The following HDAC9 variants were observed in gnomAD, a reference collection of about 807,000 sequenced individuals.
HDAC9 encodes MEF-2 interacting transcription repressor (MITR) protein.
A neutral mutation model predicts 139.4 loss-of-function variants in HDAC9; 41 were observed. The ratio of observed to expected loss-of-function variants is 0.29; its 90% CI spans 0.23 to 0.38. HDAC9 has a LOEUF of 0.38. Ranked by LOEUF, HDAC9 falls within the 10% of genes least tolerant of loss-of-function variation. The pLI is 1.00. For missense variants in HDAC9, 1,147 were observed against 1,297.0 expected (o/e 0.88, Z 1.78); for synonymous variants, 517 against 476.2 (o/e 1.09, Z -1.12).
chr7:18,496,488 A>G (rs896960527), intron 2 of HDAC9, 164 bp downstream of exon 2: 5 of 612,396 alleles, frequency 8.2e-6, no homozygotes, highest in Non-Finnish European at 1.2e-5. Flanking sequence ...CCCTTCCATT[A>G]CTGTTTCTGT....
chr7:18,399,537 G>C (rs894926672), intron 1 of HDAC9, among the ~76,000 whole-genome samples: 1 of 152,116 alleles, frequency 6.6e-6, no homozygotes, highest in Non-Finnish European at 1.5e-5. Context: ...GTCGACAAGG[G>C]AATCTCATAG....
intron 19 of HDAC9, among the ~76,000 whole-genome samples, chr7:18,835,137 C>A (rs904919295): frequency 6.6e-6 from 1 of 152,036 alleles, no homozygotes; most frequent in Non-Finnish European, 1.5e-5. Flanking sequence ...TACAAAGAGC[C>A]GGTGTATAAA....
chr7:18,913,629 TGTAA>T (rs2129290608), intron 22 of HDAC9, among the ~76,000 whole-genome samples: 1 of 152,182 alleles, frequency 6.6e-6, no homozygotes, highest in Admixed American at 6.6e-5. Flanking sequence ...TCACAGCATA[TGTAA>T]GTTTTCATTA....
At chr7:18,251,154 C>T (rs1562794788) in intron 2 of HDAC9, among the ~76,000 whole-genome samples, 1 of 152,328 alleles carries the variant, frequency 6.6e-6, no homozygotes, top group Admixed American at 6.5e-5. Context: ...GGTCCATATA[C>T]AGCATGGAAT....
intron 6 of HDAC9, among the ~76,000 whole-genome samples, chr7:18,624,910 G>A (rs1163202510): frequency 6.6e-6 from 1 of 151,770 alleles, no homozygotes; most frequent in Non-Finnish European, 1.5e-5. Context: ...CTGAAATACA[G>A]GCAGAAGGTT....
chr7:18,463,851 C>T (rs1794053188), intron 1 of HDAC9, among the ~76,000 whole-genome samples: 1 of 151,968 alleles, frequency 6.6e-6, no homozygotes, highest in Admixed American at 6.6e-5. Context: ...ACTTGTCAAA[C>T]CCACAGATGT....
intron 17 of HDAC9, among the ~76,000 whole-genome samples, chr7:18,794,482 G>A (rs983685843): frequency 1.3e-5 from 2 of 152,178 alleles, no homozygotes; most frequent in African/African-American, 4.8e-5. Context: ...TAAAGAGTCA[G>A]AGCCTACGGA....
chr7:18,165,927 A>G (rs1033657303), intron 2 of HDAC9, among the ~76,000 whole-genome samples: 23 of 152,092 alleles, frequency 1.5e-4, no homozygotes, highest in Non-Finnish European at 2.6e-4. Flanking sequence ...AGGTGGATGG[A>G]CCAAAGAGAT....
At chr7:18,726,008 G>A (rs932110930) in intron 12 of HDAC9, among the ~76,000 whole-genome samples, 6 of 152,202 alleles carry the variant, frequency 3.9e-5, no homozygotes, top group Non-Finnish European at 5.9e-5. Context: ...CAAAACAGAA[G>A]TAACAACATA....
At chr7:18,117,347 G>A (rs961729781) in intron 1 of HDAC9, among the ~76,000 whole-genome samples, 6 of 151,882 alleles carry the variant, frequency 4.0e-5, no homozygotes, top group African/African-American at 7.3e-5. Context: ...TTAGCCAGGC[G>A]TGGTGGTGGG....
intron 22 of HDAC9, among the ~76,000 whole-genome samples, chr7:18,888,700 G>T (rs71524256): frequency 0.21 from 32,185 of 151,934 alleles, 3,663 homozygotes; most frequent in South Asian, 0.33. Context: ...TCTTTACATG[G>T]TTAATGTAAC....
intron 1 of HDAC9, among the ~76,000 whole-genome samples, chr7:18,314,286 C>T (rs1158462935): frequency 6.6e-6 from 1 of 152,106 alleles, no homozygotes. Context: ...GGATAGTGTC[C>T]CATTTGCAGA....
chr7:18,897,125 A>C (rs1057024351), intron 22 of HDAC9, among the ~76,000 whole-genome samples: 8 of 151,756 alleles, frequency 5.3e-5, no homozygotes, highest in Non-Finnish European at 1.0e-4. Flanking sequence ...TAAATTTTAA[A>C]AATAGAAAAA....
At chr7:18,916,862 G>A (rs1465970199) in intron 22 of HDAC9, among the ~76,000 whole-genome samples, 1 of 152,038 alleles carries the variant, frequency 6.6e-6, no homozygotes, top group African/African-American at 2.4e-5. Flanking sequence ...TAAGTTTAAT[G>A]GGCTTGGGTT....
At chr7:18,231,753 T>C (rs1167212031) in intron 2 of HDAC9, among the ~76,000 whole-genome samples, 1 of 152,206 alleles carries the variant, frequency 6.6e-6, no homozygotes, top group Admixed American at 6.5e-5. Flanking sequence ...TCTCATTACG[T>C]TGGCTTTGGT....
intron 21 of HDAC9, among the ~76,000 whole-genome samples, chr7:18,845,241 T>A (rs902197740): frequency 1.3e-5 from 2 of 152,182 alleles, no homozygotes; most frequent in East Asian, 1.9e-4. Context: ...TCAATTTTTT[T>A]AATTAACAAA....
At chr7:18,520,040 T>G (rs1442084750) in intron 2 of HDAC9, among the ~76,000 whole-genome samples, 2 of 152,000 alleles carry the variant, frequency 1.3e-5, no homozygotes, top group Non-Finnish European at 2.9e-5. Context: ...ATTTTATTGT[T>G]GTAGTAGGAG....
intron 16 of HDAC9, among the ~76,000 whole-genome samples, chr7:18,792,354 T>C (rs912607681): frequency 6.6e-6 from 1 of 151,948 alleles, no homozygotes; most frequent in Non-Finnish European, 1.5e-5. Context: ...TCACAAACTT[T>C]GTATTCTATT....
At chr7:18,681,399 A>T (rs1387658136) in intron 12 of HDAC9, among the ~76,000 whole-genome samples, 2 of 151,972 alleles carry the variant, frequency 1.3e-5, no homozygotes, top group Non-Finnish European at 2.9e-5. Flanking sequence ...TTTTATAGTC[A>T]ATATGTTCAG....
Sources: allele counts gnomAD v4.1 joint callset (sites outside exome capture counted in the v4.1 genomes callset), GRCh38; gene constraint gnomAD v4.1.1; transcripts MANE v1.5; gene names NCBI Gene and HGNC (gene_info 2026-07-23, HGNC 2026-07-21).